ADGRB3: variants seen among roughly 807,000 people sequenced by gnomAD.
ADGRB3 encodes brain-specific angiogenesis inhibitor 3.
ADGRB3 carries 37 observed loss-of-function variants against 193.4 expected under a neutral mutation model. The ratio of observed to expected loss-of-function variants is 0.19; its 90% CI spans 0.15 to 0.25. The LOEUF is 0.25. Ranked by LOEUF, ADGRB3 falls within the 10% of genes least tolerant of loss-of-function variation. The probability of loss-of-function intolerance (pLI) is 1.00; values close to 1 mark genes in which losing one functional copy is unlikely to be tolerated. For missense variants in ADGRB3, 1,637 were observed against 1,852.9 expected (o/e 0.88, Z 2.14); for synonymous variants, 690 against 644.2 (o/e 1.07, Z -1.08).
chr6:68,869,528 T>C (rs994979985), intron 3 of ADGRB3, among the ~76,000 whole-genome samples: 9 of 152,150 alleles, frequency 5.9e-5, no homozygotes, highest in African/African-American at 2.2e-4. Context: ...CAAATAATGC[T>C]GACAAATTTT....
intron 3 of ADGRB3, among the ~76,000 whole-genome samples, chr6:68,902,165 A>G (rs1766412358): frequency 6.6e-6 from 1 of 152,150 alleles, no homozygotes; most frequent in Non-Finnish European, 1.5e-5. Flanking sequence ...CAGTGTGTGA[A>G]TAACGAGGTA....
At chr6:69,377,406 G>T (rs1453646201) in intron 30 of ADGRB3, among the ~76,000 whole-genome samples, 3 of 151,930 alleles carry the variant, frequency 2.0e-5, no homozygotes, top group Non-Finnish European at 2.9e-5. Context: ...TTGGATCATA[G>T]TAAGTAGAAC....
chr6:68,873,778 A>G (rs747772913), intron 3 of ADGRB3, among the ~76,000 whole-genome samples: 4 of 152,122 alleles, frequency 2.6e-5, no homozygotes, highest in Non-Finnish European at 5.9e-5. Flanking sequence ...TAAGAAGGAA[A>G]GTAAAATTAT....
At chr6:68,894,914 A>G (rs1361958577) in intron 3 of ADGRB3, among the ~76,000 whole-genome samples, 1 of 151,888 alleles carries the variant, frequency 6.6e-6, no homozygotes, top group Non-Finnish European at 1.5e-5. Flanking sequence ...ACAAGATCCC[A>G]TTATCAGTAG....
chr6:69,155,621 A>C (rs1774813481), intron 17 of ADGRB3, among the ~76,000 whole-genome samples: 1 of 152,216 alleles, frequency 6.6e-6, no homozygotes, highest in South Asian at 2.1e-4. Flanking sequence ...GCTGCCATTT[A>C]TTACTATCAA....
chr6:68,827,468 C>G (rs891018689), intron 3 of ADGRB3, among the ~76,000 whole-genome samples: 1 of 151,120 alleles, frequency 6.6e-6, no homozygotes, highest in Admixed American at 6.6e-5. Flanking sequence ...GTAAACATAA[C>G]AGCAGTTTGT....
chr6:68,685,205 A>G (rs773800191), intron 3 of ADGRB3, among the ~76,000 whole-genome samples: 1 of 152,158 alleles, frequency 6.6e-6, no homozygotes, highest in Non-Finnish European at 1.5e-5. Flanking sequence ...AAGAATTTAA[A>G]TAAAAGAGGT....
chr6:69,054,847 A>G (rs780070677), intron 15 of ADGRB3, among the ~76,000 whole-genome samples: 3 of 152,194 alleles, frequency 2.0e-5, no homozygotes, highest in Non-Finnish European at 2.9e-5. Context: ...TTTTAAAAAC[A>G]AAGATATTCA....
intron 3 of ADGRB3, among the ~76,000 whole-genome samples, chr6:68,707,287 A>G (rs1472583854): frequency 4.6e-5 from 7 of 152,262 alleles, no homozygotes; most frequent in African/African-American, 1.7e-4. Context: ...AGTTTAAATC[A>G]CATCTGCTTG....
intron 3 of ADGRB3, among the ~76,000 whole-genome samples, chr6:68,694,581 C>T (rs889143451): frequency 1.8e-4 from 28 of 151,768 alleles, no homozygotes; most frequent in African/African-American, 6.5e-4. Context: ...CCCATGTGGC[C>T]CTCAATTATT....
intron 3 of ADGRB3, among the ~76,000 whole-genome samples, chr6:68,869,967 C>T (rs961242284): frequency 3.3e-5 from 5 of 152,090 alleles, no homozygotes; most frequent in South Asian, 2.1e-4. Flanking sequence ...TTAGTAGAGA[C>T]GGGATTTCAC....
intron 17 of ADGRB3, among the ~76,000 whole-genome samples, chr6:69,157,590 TG>T (rs1335536342): frequency 6.6e-6 from 1 of 151,968 alleles, no homozygotes; most frequent in Non-Finnish European, 1.5e-5. Flanking sequence ...AAAAGGCCTA[TG>T]GGGAACATGT....
intron 3 of ADGRB3, among the ~76,000 whole-genome samples, chr6:68,688,492 A>AAT (rs1166647326): frequency 6.6e-6 from 1 of 152,118 alleles, no homozygotes; most frequent in Non-Finnish European, 1.5e-5. Context: ...ACAAAACCCA[A>AAT]ATATAAAGAA....
intron 26 of ADGRB3, among the ~76,000 whole-genome samples, chr6:69,343,175 CT>C (rs1769015696): frequency 2.0e-5 from 3 of 148,522 alleles, no homozygotes; most frequent in African/African-American, 7.4e-5. Flanking sequence ...TTTTTCCTGC[CT>C]TTGTAATTCT....
chr6:68,664,229 AT>A (rs961176145), intron 3 of ADGRB3, among the ~76,000 whole-genome samples: 13 of 151,064 alleles, frequency 8.6e-5, no homozygotes, highest in East Asian at 3.9e-4. Context: ...TCAAATACCG[AT>A]TTTTTTTTAG....
intron 3 of ADGRB3, among the ~76,000 whole-genome samples, chr6:68,797,190 G>A (rs1562033796): frequency 6.6e-6 from 1 of 152,100 alleles, no homozygotes; most frequent in Non-Finnish European, 1.5e-5. Context: ...CAATCACGCT[G>A]ATAGTAGCTT....
chr6:68,699,486 T>C (rs947898546), intron 3 of ADGRB3, among the ~76,000 whole-genome samples: 6 of 152,060 alleles, frequency 3.9e-5, no homozygotes, highest in African/African-American at 1.4e-4. Context: ...TTTTGAGACA[T>C]ATTTATGAGA....
chr6:69,001,365 A>C (rs1769571280), intron 11 of ADGRB3, among the ~76,000 whole-genome samples: 1 of 152,248 alleles, frequency 6.6e-6, no homozygotes, highest in Non-Finnish European at 1.5e-5. Context: ...GAAAATGCAG[A>C]TCATAAAGGC....
intron 15 of ADGRB3, among the ~76,000 whole-genome samples, chr6:69,055,855 A>AT (rs1771531731): frequency 1.3e-5 from 2 of 151,666 alleles, no homozygotes; most frequent in African/African-American, 4.8e-5. Flanking sequence ...TTGTGCACAC[A>AT]GTCTCGCTCT....
Sources: allele counts gnomAD v4.1 joint callset (sites outside exome capture counted in the v4.1 genomes callset), GRCh38; gene constraint gnomAD v4.1.1; transcripts MANE v1.5; gene names NCBI Gene and HGNC (gene_info 2026-07-23, HGNC 2026-07-21).